ERBB4: variants seen among roughly 807,000 people sequenced by gnomAD.
The protein encoded by ERBB4 is erb-b2 receptor tyrosine kinase 4, also known as receptor tyrosine-protein kinase erbB-4.
Under a neutral mutation model 158.0 loss-of-function variants are expected in ERBB4, and 42 were observed. The ratio of observed to expected loss-of-function variants is 0.27; its 90% CI spans 0.21 to 0.34. ERBB4 has a LOEUF of 0.34. ERBB4 is among the 10% of genes least tolerant of loss of function. The pLI is 1.00. For synonymous variants in ERBB4, 583 were observed against 558.7 expected (o/e 1.04, Z -0.61); for missense variants, 1,333 against 1,624.1 (o/e 0.82, Z 3.08).
chr2:212,225,071 T>C (rs2083427982), intron 1 of ERBB4, among the ~76,000 whole-genome samples: 1 of 152,034 alleles, frequency 6.6e-6, no homozygotes, highest in African/African-American at 2.4e-5. Context: ...TCCATTTATA[T>C]TTTGGGTTTC....
At chr2:212,009,134 G>A (rs569113588) in intron 2 of ERBB4, among the ~76,000 whole-genome samples, 2 of 151,896 alleles carry the variant, frequency 1.3e-5, no homozygotes. Flanking sequence ...AACTTCTGTA[G>A]TATGTTGATT....
At chr2:211,415,701 TAGAG>T (rs941431959) in intron 25 of ERBB4, among the ~76,000 whole-genome samples, 7 of 152,110 alleles carry the variant, frequency 4.6e-5, no homozygotes, top group African/African-American at 1.7e-4. Context: ...TAAAATAAAG[TAGAG>T]AGAATCATAT....
intron 3 of ERBB4, among the ~76,000 whole-genome samples, chr2:211,946,422 G>A (rs147797770): frequency 1.0e-3 from 153 of 151,782 alleles, no homozygotes; most frequent in African/African-American, 2.6e-3. Context: ...ATTTTTCAAT[G>A]TCAATAATTA....
At position 212,260,647 on chromosome 2, in the gene ERBB4, T is replaced by C. The variant is rs572430404; in HGVS notation, c.83-135744A>G. 4.6e-5 allele frequency among the ~76,000 whole-genome samples: 7 copies of C among 152,146 alleles called. No individual in the cohort carries two copies. The South Asian group carries it at 1.2e-3, about 27-fold the overall frequency. On this transcript the variant is annotated intron_variant, in intron 1 of 27. Transcript: ENST00000342788. ...GGCAAACATGGTGAAACCCCGTCTC[T>C]ACTAAAAATACAAAAATTAGCTGAG...
At chr2:211,812,194 C>T (rs868735152) in intron 3 of ERBB4, among the ~76,000 whole-genome samples, 10 of 152,146 alleles carry the variant, frequency 6.6e-5, no homozygotes, top group African/African-American at 1.7e-4. Context: ...ATGATGGTGA[C>T]TTACAGATGG....
chr2:211,964,067 T>C (rs1396521713), intron 2 of ERBB4, among the ~76,000 whole-genome samples: 2 of 152,256 alleles, frequency 1.3e-5, no homozygotes, highest in Admixed American at 6.5e-5. Context: ...AGACACATGG[T>C]ATTTCTCTCT....
At chr2:212,269,398 C>T (rs951915110) in intron 1 of ERBB4, among the ~76,000 whole-genome samples, 2 of 151,890 alleles carry the variant, frequency 1.3e-5, no homozygotes, top group South Asian at 4.2e-4. Context: ...CAGCTCTACC[C>T]ATGTGTGTTC....
At position 211,661,453 on chromosome 2, in the gene ERBB4, CAT is replaced by C. The variant is rs1301271978; in HGVS notation, c.1872-3627_1872-3626del. Reference sequence around the variant, plus strand: ...TATAGAAAATTAGAAAAATAAAACACATGTCTAATTAACAAATTCCAAAACAA... The same window carrying C: ...TATAGAAAATTAGAAAAATAAAACACGTCTAATTAACAAATTCCAAAACAA... On this transcript the variant is annotated intron_variant, in intron 15 of 27. Coordinates refer to ENST00000342788, the MANE Select transcript of ERBB4 (RefSeq NM_005235.3). 4.6e-5 allele frequency among the ~76,000 whole-genome samples: 7 copies of C among 152,226 alleles called. No individual in the cohort carries two copies. In the East Asian group the frequency reaches 7.7e-4, roughly 17 times the overall value.
intron 19 of ERBB4, among the ~76,000 whole-genome samples, chr2:211,590,713 C>T (rs1247687359): frequency 6.6e-6 from 1 of 152,150 alleles, no homozygotes; most frequent in Admixed American, 6.5e-5. Flanking sequence ...GTTTCCCGCT[C>T]AGCTGGCTCT....
At chr2:212,247,838 C>T (rs1176584609) in intron 1 of ERBB4, among the ~76,000 whole-genome samples, 1 of 152,058 alleles carries the variant, frequency 6.6e-6, no homozygotes, top group African/African-American at 2.4e-5. Context: ...TTGGCGGGAG[C>T]CTGTAATCCC....
At chr2:211,743,255 A>C (rs776667649) in intron 5 of ERBB4, among the ~76,000 whole-genome samples, 2 of 152,218 alleles carry the variant, frequency 1.3e-5, no homozygotes, top group Non-Finnish European at 2.9e-5. Context: ...AGAAAACTTC[A>C]CAATTATGAT....
intron 19 of ERBB4, among the ~76,000 whole-genome samples, chr2:211,590,339 G>A (rs762198217): frequency 8.5e-5 from 13 of 152,162 alleles, no homozygotes; most frequent in Non-Finnish European, 1.6e-4. Context: ...CTGGGGACTA[G>A]ACTGCTAACA....
chr2:211,540,389 G>A (rs187787955), intron 20 of ERBB4, among the ~76,000 whole-genome samples: 185 of 151,886 alleles, frequency 1.2e-3, no homozygotes, highest in Non-Finnish European at 2.2e-3. Flanking sequence ...CAATGCAATC[G>A]AATAAACTAA....
intron 7 of ERBB4, 147 bp downstream of exon 7, chr2:211,722,246 T>C: frequency 1.5e-6 from 1 of 668,920 alleles, no homozygotes; most frequent in African/African-American, 1.8e-5. Context: ...GTTTAGTTTC[T>C]TTATTTATAA....
chr2:211,831,994 T>G (rs2077231825), intron 3 of ERBB4, among the ~76,000 whole-genome samples: 1 of 152,218 alleles, frequency 6.6e-6, no homozygotes, highest in Admixed American at 6.5e-5. Flanking sequence ...CCAGAAGTTC[T>G]GCAGTAACAG....
intron 1 of ERBB4, among the ~76,000 whole-genome samples, chr2:212,305,000 A>T (rs1039630739): frequency 6.6e-6 from 1 of 151,470 alleles, no homozygotes. Context: ...TATAAATTTA[A>T]CATTAAAATA....
At chr2:211,428,301 T>C in intron 22 of ERBB4, 107 bp downstream of exon 22, 1 of 617,334 alleles carries the variant, frequency 1.6e-6, no homozygotes. Flanking sequence ...GGCTTATCAA[T>C]AGGTATTTAT....
chr2:212,102,747 C>T (rs187526205), intron 2 of ERBB4, among the ~76,000 whole-genome samples: 68 of 152,210 alleles, frequency 4.5e-4, no homozygotes, highest in African/African-American at 1.5e-3. Context: ...AGATCTCTCC[C>T]ATCTATTCCA....
intron 1 of ERBB4, among the ~76,000 whole-genome samples, chr2:212,250,274 A>G (rs1461492844): frequency 1.3e-5 from 2 of 151,946 alleles, no homozygotes; most frequent in Non-Finnish European, 2.9e-5. Flanking sequence ...TCAGCTGTGA[A>G]TGTTTTTACC....
Sources: gnomAD v4.1 joint callset for allele counts (sites outside exome capture counted in the v4.1 genomes callset) on GRCh38, gnomAD v4.1.1 for gene constraint, MANE v1.5 for transcripts, NCBI Gene and HGNC (gene_info 2026-07-23, HGNC 2026-07-21) for gene names.